ZNF346: variants seen among roughly 807,000 people sequenced by gnomAD.
ZNF346 encodes the protein zinc finger protein 346.
ZNF346 carries 23 observed loss-of-function variants against 33.7 expected under a neutral mutation model. That is an observed-to-expected ratio of 0.68 (90% CI 0.49 to 0.97). ZNF346 has a LOEUF of 0.97. Ranked by LOEUF, ZNF346 falls within the 50% of genes least tolerant of loss-of-function variation. The pLI, the probability that ZNF346 is intolerant of heterozygous loss-of-function variation, is 0.00. For synonymous variants in ZNF346, 134 were observed against 142.4 expected (o/e 0.94, Z 0.42); for missense variants, 340 against 371.1 (o/e 0.92, Z 0.69).
rs546134147 is a variant in ZNF346 at position 177,073,485 on chromosome 5, G to A, written c.*3-5897G>A. On this transcript the variant is annotated intron_variant, in intron 8 of 8. Transcript: ENST00000503039. Reference sequence around the variant, plus strand: ...CACCCAGCTAATTATCTTATTTTTTGTAGACACAAGGTCCCACTGTGTTGC... The same window carrying A: ...CACCCAGCTAATTATCTTATTTTTTATAGACACAAGGTCCCACTGTGTTGC... Among the ~76,000 whole-genome samples, 6 of 152,130 alleles carry A rather than the reference G, an allele frequency of 3.9e-5. No homozygotes were observed. The East Asian group carries it at 1.2e-3, about 29-fold the overall frequency.
chr5:177,047,019 TTTTTATTTA>T (rs1486169046), intron 4 of ZNF346, among the ~76,000 whole-genome samples: 54 of 139,346 alleles, frequency 3.9e-4, no homozygotes, highest in South Asian at 1.3e-3. Context: ...TTTTAAAATT[TTTTTATTTA>T]TTTTTATTTA....
intron 1 of ZNF346, among the ~76,000 whole-genome samples, chr5:177,031,028 C>T (rs1777615495): frequency 6.7e-6 from 1 of 149,148 alleles, no homozygotes; most frequent in Admixed American, 6.8e-5. Context: ...TCAAGCGATT[C>T]TCTTTTTTCT....
At chr5:177,026,844 A>G (rs538975950) in intron 1 of ZNF346, among the ~76,000 whole-genome samples, 2 of 152,324 alleles carry the variant, frequency 1.3e-5, no homozygotes, top group East Asian at 3.9e-4. Context: ...AACATTGGTT[A>G]GTGATTGGCT....
At chr5:177,024,137 A>G (rs1232357781) in intron 1 of ZNF346, among the ~76,000 whole-genome samples, 12 of 123,116 alleles carry the variant, frequency 9.7e-5, no homozygotes, top group African/African-American at 3.8e-4. Context: ...TTTTATATAC[A>G]CTTGTAAGTA....
intron 4 of ZNF346, among the ~76,000 whole-genome samples, chr5:177,047,016 A>AT (rs1358265952): frequency 2.0e-5 from 3 of 148,684 alleles, no homozygotes; most frequent in African/African-American, 7.5e-5. Flanking sequence ...GGTTTTTAAA[A>AT]TTTTTTTATT....
downstream of ZNF346, among the ~76,000 whole-genome samples, chr5:177,070,674 T>G (rs1170426438): frequency 6.6e-6 from 1 of 152,184 alleles, no homozygotes; most frequent in Non-Finnish European, 1.5e-5. Flanking sequence ...CTCTTTCTAT[T>G]GTTGACCTGA....
intron 6 of ZNF346, among the ~76,000 whole-genome samples, chr5:177,064,089 G>A (rs1782893310): frequency 6.6e-6 from 1 of 152,128 alleles, no homozygotes; most frequent in African/African-American, 2.4e-5. Context: ...TTAGTTACTT[G>A]CAGTTAGACC....
intron 5 of ZNF346, among the ~76,000 whole-genome samples, chr5:177,056,423 A>G (rs1781683996): frequency 6.6e-6 from 1 of 152,218 alleles, no homozygotes; most frequent in South Asian, 2.1e-4. Flanking sequence ...ATTACTGGGT[A>G]TATACCCAAA....
chr5:177,022,707 A>C lies in ZNF346; in HGVS notation c.-32A>C, dbSNP rs1030181428. The C allele has an allele frequency of 1.3e-6, 2 of 1,510,458 alleles. No homozygotes were observed. The highest frequency in any genetic ancestry group is 1.8e-6 in the Non-Finnish European group (2 of 1,136,322). The allele number at this position is 1,510,458 out of a possible 1,614,324, so 93.6% of individuals were successfully genotyped here. A position where few individuals can be genotyped will look rare whatever the true frequency, so the allele number is the denominator to read the frequency against. ...ATCTCGCGATACCTAGGCGCCTGAG[A>C]GGCTCTCTACCGGTGAGGGTTTGCG... On this transcript the variant is annotated 5_prime_UTR_variant, in exon 1 of 7. Coordinates refer to ENST00000358149, the MANE Select transcript of ZNF346 (RefSeq NM_012279.4).
rs200388195 is a variant in ZNF346, at chr5:177,057,797, CTTATTTAT to C, written c.704-4227_704-4220del. ...CCTTCACTCTGAGGTCATAGATTTT[CTTATTTAT>C]TTATTTATTTATTTATTTATTTATT... On this transcript the variant is annotated intron_variant, in intron 5 of 6. Coordinates refer to ENST00000358149, the MANE Select transcript of ZNF346 (RefSeq NM_012279.4). Among the ~76,000 whole-genome samples, 302 of 133,318 alleles carry C rather than the reference CTTATTTAT, an allele frequency of 2.3e-3. 3 individuals carry two copies. The highest frequency in any genetic ancestry group is 7.9e-3 in the South Asian group (33 of 4,176). 87.5% of individuals were successfully genotyped at this position (133,318 alleles called of 152,430 possible). A position where few individuals can be genotyped will look rare whatever the true frequency, so the allele number is the denominator to read the frequency against.
In ZNF346 at chr5:177,065,632, GC is replaced by G. The variant is rs945777216; in HGVS notation, c.*1037del. The G allele has an allele frequency of 2.6e-5, 4 of 152,518 alleles. No homozygotes were observed. The highest frequency in any genetic ancestry group is 5.9e-5 in the Non-Finnish European group (4 of 68,022). The allele number at this position is 152,518 out of a possible 1,614,324, so 9.4% of individuals were successfully genotyped here. On this transcript the variant is annotated 3_prime_UTR_variant, in exon 7 of 7. Coordinates refer to ENST00000358149, the MANE Select transcript of ZNF346 (RefSeq NM_012279.4). The stretch of plus-strand genomic sequence containing the variant: ...ACAGTGAGGAACAGGCGTTTCCCAG[GC>G]CCCACACCCAGATTTCTCTATCTTT...
chr5:177,027,336 A>G (rs937675240), intron 1 of ZNF346, among the ~76,000 whole-genome samples: 2 of 152,120 alleles, frequency 1.3e-5, no homozygotes, highest in African/African-American at 4.8e-5. Context: ...GGGGTGAGCC[A>G]TCACGCCCAG....
chr5:177,041,709 G>A, intron 2 of ZNF346, 69 bp from the exon 3 acceptor site: 1 of 972,530 alleles, frequency 1.0e-6, no homozygotes. Context: ...AATCTCATAA[G>A]TGTTTTTGAG....
At chr5:177,073,181 C>T (rs895206305) in intron 8 of ZNF346, among the ~76,000 whole-genome samples, 1 of 152,136 alleles carries the variant, frequency 6.6e-6, no homozygotes, top group African/African-American at 2.4e-5. Flanking sequence ...ATCCCTGGTC[C>T]CTAGCATAGG....
At chr5:177,070,213 T>G (rs934812147), downstream of ZNF346, among the ~76,000 whole-genome samples, 1 of 152,134 alleles carries the variant, frequency 6.6e-6, no homozygotes, top group African/African-American at 2.4e-5. Flanking sequence ...GGTTAGCACT[T>G]GGTGTTGTCA....
intron 4 of ZNF346, among the ~76,000 whole-genome samples, chr5:177,047,016 ATTT>A (rs1358265952): frequency 6.7e-6 from 1 of 148,684 alleles, no homozygotes; most frequent in Non-Finnish European, 1.5e-5. Flanking sequence ...GGTTTTTAAA[ATTT>A]TTTTATTTAT....
At chr5:177,044,227 G>C in intron 3 of ZNF346, 162 bp from the exon 4 acceptor site, 1 of 720,256 alleles carries the variant, frequency 1.4e-6, no homozygotes, top group Non-Finnish European at 2.3e-6. Context: ...ATGGTGAGTA[G>C]AGTCTGGGAC....
intron 4 of ZNF346, among the ~76,000 whole-genome samples, chr5:177,045,904 GT>G (rs1779971350): frequency 6.6e-6 from 1 of 152,146 alleles, no homozygotes; most frequent in African/African-American, 2.4e-5. Context: ...CACTGTTACT[GT>G]TTATATGACT....
intron 4 of ZNF346, among the ~76,000 whole-genome samples, chr5:177,047,202 C>G (rs1361626733): frequency 1.3e-5 from 2 of 151,956 alleles, no homozygotes; most frequent in Non-Finnish European, 2.9e-5. Context: ...GCGCGTGCCA[C>G]CGCGCCTGGC....
Sources: allele counts gnomAD v4.1 joint callset (sites outside exome capture counted in the v4.1 genomes callset), GRCh38; gene constraint gnomAD v4.1.1; transcripts MANE v1.5; gene names NCBI Gene and HGNC (gene_info 2026-07-23, HGNC 2026-07-21).